The following GIPC1 variants were observed in gnomAD, a reference collection of about 807,000 sequenced individuals.
GIPC1 encodes the protein PDZ domain-containing protein GIPC1.
Under a neutral mutation model 28.5 loss-of-function variants are expected in GIPC1, and 15 were observed. The ratio of observed to expected loss-of-function variants is 0.53; its 90% CI spans 0.35 to 0.81. The LOEUF (loss-of-function observed/expected upper bound fraction) is 0.81. Among genes scored for constraint, GIPC1 ranks in the 30% least tolerant of loss-of-function variants. GIPC1 has a pLI of 0.01. For synonymous variants in GIPC1, 224 were observed against 206.1 expected (o/e 1.09, Z -0.74); for missense variants, 439 against 481.9 (o/e 0.91, Z 0.83).
rs777881269 is a variant in GIPC1, at chr19:14,478,698, C to T, written c.836G>A (p.Arg279Lys). 5.0e-6 allele frequency: 8 copies of T among 1,614,002 alleles called. No individual in the cohort carries two copies. In the Admixed American group the frequency reaches 6.7e-5, roughly 13 times the overall value. The change falls in exon 8 of 9, where the codon AGG becomes AAG. Residue 279 changes from arginine to lysine, a missense_variant. Coordinates refer to ENST00000393033, the MANE Select transcript of GIPC1 (RefSeq NM_005716.4). The surrounding 1 kb of genome is among the most constrained non-coding windows in gnomAD (Gnocchi z 5.2). Reference sequence around the variant, plus strand: ...CCCTCACTCACCCAGCTCCGTGTCCCTGATACCCATGTAACTCTCCAGCAG... The same window carrying T: ...CCCTCACTCACCCAGCTCCGTGTCCTTGATACCCATGTAACTCTCCAGCAG... ...DDLLESYMGI[R>K]DTELAATMVE...
chr19:14,488,380 G>A (rs762479983), intron 3 of GIPC1, among the ~76,000 whole-genome samples: 1 of 151,348 alleles, frequency 6.6e-6, no homozygotes, highest in Non-Finnish European at 1.5e-5. Context: ...GAATGCAGGA[G>A]GCGGAGGTTG....
chr19:14,489,997 C>T (rs566720399), intron 3 of GIPC1, among the ~76,000 whole-genome samples: 1 of 152,140 alleles, frequency 6.6e-6, no homozygotes, highest in African/African-American at 2.4e-5. Context: ...GGGGCCAGAT[C>T]TCTCCTGAAT....
chr19:14,493,681 C>T (rs1358298060), intron 1 of GIPC1, among the ~76,000 whole-genome samples: 6 of 151,728 alleles, frequency 4.0e-5, no homozygotes, highest in Admixed American at 1.3e-4. Flanking sequence ...ATTTTTGAGA[C>T]GGAGTTTCAT....
intron 3 of GIPC1, among the ~76,000 whole-genome samples, chr19:14,487,704 T>C (rs1737626620): frequency 1.3e-5 from 2 of 149,686 alleles, no homozygotes; most frequent in South Asian, 4.3e-4. Flanking sequence ...TTTGACAGAG[T>C]CTTGCTGTGT....
intron 1 of GIPC1, 107 bp downstream of exon 1, chr19:14,495,930 C>T (rs1230138812): frequency 6.5e-6 from 1 of 154,882 alleles, no homozygotes; most frequent in Non-Finnish European, 1.4e-5. Flanking sequence ...GACCTCCAGT[C>T]GCGTCCACGG....
In GIPC1 at chr19:14,489,312, C is replaced by A. The variant is rs562453150; in HGVS notation, c.-31+2344G>T. On this transcript the variant is annotated intron_variant, in intron 3 of 8. Transcript: ENST00000393033. ...GGTCGATGACGCCAGGCACAAGATG[C>A]TGGGCCTACCGCGGTAGCGTGAGGG... 1.6e-4 allele frequency: 122 copies of A among 758,278 alleles called. 1 individual carries two copies. The highest frequency in any genetic ancestry group is 1.6e-3 in the South Asian group (116 of 72,594). The allele number at this position is 758,278 out of a possible 1,614,324, so 47.0% of individuals were successfully genotyped here.
At chr19:14,493,350 C>A (rs2072009736) in intron 1 of GIPC1, among the ~76,000 whole-genome samples, 1 of 152,254 alleles carries the variant, frequency 6.6e-6, no homozygotes, top group Admixed American at 6.5e-5. Flanking sequence ...AATCTCCTTA[C>A]TGTGACCCAC....
intron 4 of GIPC1, 116 bp from the exon 5 acceptor site, chr19:14,480,894 T>C (rs977761550): frequency 1.3e-6 from 1 of 742,082 alleles, no homozygotes; most frequent in Admixed American, 2.7e-5. Flanking sequence ...TCCCAGTAAC[T>C]CATCACCCAC....
At position 14,482,906 on chromosome 19, in the gene GIPC1, C is replaced by T. The variant is rs776921867; in HGVS notation, c.71G>A (p.Arg24His). ...LVENEEAEPG[R>H]GGLGVGEPGP... is the part of the protein sequence containing the mutation. ...TGGCTCCCCCACGCCCAGCCCTCCA[C>T]GGCCTGGCTCAGCCTCCTCATTTTC... Residue 24 changes from arginine (R) to histidine (H), a missense_variant, in exon 4 of 9, where the codon CGT becomes CAT. By Grantham distance (29) the Arg-to-His change is conservative. Transcript: ENST00000393033. 21 of 1,603,708 alleles carry T rather than the reference C, an allele frequency of 1.3e-5. No homozygotes were observed. Among genetic ancestry groups the T allele is most frequent in the Admixed American group, 3.4e-5 (2 of 58,986 alleles).
At chr19:14,479,825 T>A in intron 6 of GIPC1, 1 of 385,480 alleles carries the variant, frequency 2.6e-6, no homozygotes, top group East Asian at 4.4e-5. Context: ...TACCCCAGCC[T>A]GAGTCTCCAG....
intron 2 of GIPC1, among the ~76,000 whole-genome samples, chr19:14,492,496 C>T (rs1467397783): frequency 6.6e-6 from 1 of 152,042 alleles, no homozygotes; most frequent in Admixed American, 6.6e-5. Context: ...TTAGTAGAGA[C>T]GCTGTTTCAT....
chr19:14,490,151 G>T (rs2071935743), intron 3 of GIPC1, among the ~76,000 whole-genome samples: 1 of 150,768 alleles, frequency 6.6e-6, no homozygotes, highest in Non-Finnish European at 1.5e-5. Context: ...GGATCACGAG[G>T]TCAGCAGTTC....
At position 14,478,472 on chromosome 19, in the gene GIPC1, C is replaced by T. The variant is rs746037324; in HGVS notation, c.946G>A (p.Glu316Lys). The T allele has an allele frequency of 1.1e-5, 18 of 1,613,350 alleles. No homozygotes were observed. The highest frequency in any genetic ancestry group is 1.5e-5 in the Non-Finnish European group (18 of 1,179,760). ...ERLGDFAFPD[E>K]FVFDVWGAIG... The stretch of plus-strand genomic sequence containing the variant: ...GCGCCCCAGACGTCAAAGACGAACT[C>T]GTCAGGGAAGGCAAAGTCACCCAGC... The change falls in exon 9 of 9, where the codon GAG (glutamate) becomes AAG (lysine). Residue 316 changes from glutamate to lysine, a missense_variant. Physicochemically the swap from Glu to Lys is moderately conservative, Grantham distance 56. Coordinates refer to ENST00000393033, the MANE Select transcript of GIPC1 (RefSeq NM_005716.4). This position sits in a 1 kb window ranked among gnomAD's most constrained non-coding sequence, Gnocchi z 5.2.
chr19:14,485,702 T>TATATATATATAA (rs1300117748), intron 3 of GIPC1, among the ~76,000 whole-genome samples: 1 of 58,794 alleles, frequency 1.7e-5, no homozygotes, highest in Admixed American at 2.2e-4. Context: ...TATATATATA[T>TATATATATATAA]AGAGAGAGAG....
At chr19:14,488,327 T>G (rs948293129) in intron 3 of GIPC1, among the ~76,000 whole-genome samples, 5 of 152,162 alleles carry the variant, frequency 3.3e-5, no homozygotes, top group African/African-American at 9.6e-5. Context: ...GGTGCACACC[T>G]GTGATCCCAG....
chr19:14,480,602 G>A lies in GIPC1; in HGVS notation c.465C>T (p.Ala155=). Residue 155 remains alanine, a synonymous_variant, in exon 5 of 9, where the codon GCC becomes GCT. Coordinates refer to ENST00000393033, the MANE Select transcript of GIPC1 (RefSeq NM_005716.4). ...CCGTCTCCCCAGGCACCTTGATGAAGGCGTAGCCAGCCCCGTTGTCCGTGA... is the reference window on the plus strand; with the variant it reads ...CCGTCTCCCCAGGCACCTTGATGAAAGCGTAGCCAGCCCCGTTGTCCGTGA... The part of the protein sequence containing the change: ...LTITDNGAGY[A]FIKRIKEGSV... The A allele has an allele frequency of 6.2e-7, 1 of 1,614,032 alleles. No homozygotes were observed. Among genetic ancestry groups the A allele is most frequent in the Non-Finnish European group, 8.5e-7 (1 of 1,179,914 alleles).
At chr19:14,486,534 C>T (rs1023677055) in intron 3 of GIPC1, among the ~76,000 whole-genome samples, 7 of 152,042 alleles carry the variant, frequency 4.6e-5, no homozygotes, top group African/African-American at 1.4e-4. Context: ...GATATGGTGG[C>T]GACTCTATGA....
Position 14,484,286 on chromosome 19 carries a change from C to T in GIPC1, c.-30-1280G>A, listed in dbSNP as rs113875844. ...AAGAAGCTGGGATTACATGTCTGTG[C>T]CACCACACCGGGGTAATTTCTACAT... On this transcript the variant is annotated intron_variant, in intron 3 of 8. Transcript: ENST00000393033. 5.7e-3 allele frequency among the ~76,000 whole-genome samples: 859 copies of T among 152,004 alleles called. 11 individuals carry two copies. Among genetic ancestry groups the T allele is most frequent in the African/African-American group, 0.02 (832 of 41,492 alleles).
intron 7 of GIPC1, among the ~76,000 whole-genome samples, chr19:14,479,143 G>A (rs907926168): frequency 1.3e-5 from 2 of 152,134 alleles, no homozygotes; most frequent in East Asian, 1.9e-4. Flanking sequence ...TCAGGAGTTC[G>A]AGACCAACTC....
Sources: gnomAD v4.1 joint callset for allele counts (sites outside exome capture counted in the v4.1 genomes callset) on GRCh38, gnomAD v4.1.1 for gene constraint, Gnocchi (gnomAD v3.1) non-coding constraint, MANE v1.5 for transcripts, NCBI Gene and HGNC (gene_info 2026-07-23, HGNC 2026-07-21) for gene names.